Variants in PDZRN4 observed in about 807,000 individuals in gnomAD.
PDZRN4 encodes PDZ domain-containing RING finger protein 4.
A neutral mutation model predicts 99.0 loss-of-function variants in PDZRN4; 70 were observed. The observed-to-expected ratio is 0.71, with a 90% confidence interval of 0.58 to 0.86. The LOEUF (loss-of-function observed/expected upper bound fraction) is 0.86. PDZRN4 is among the 40% of genes least tolerant of loss of function. The probability of loss-of-function intolerance (pLI) is 0.00; values close to 1 mark genes in which losing one functional copy is unlikely to be tolerated. For missense variants in PDZRN4, 1,474 were observed against 1,331.2 expected, an observed-to-expected ratio of 1.11 and a Z score of -1.67; for synonymous variants, 551 against 501.6, an observed-to-expected ratio of 1.10 and a Z score of -1.32.
intron 3 of PDZRN4, among the ~76,000 whole-genome samples, chr12:41,475,607 A>C (rs1401828917): frequency 6.6e-6 from 1 of 152,210 alleles, no homozygotes; most frequent in East Asian, 1.9e-4. Flanking sequence ...CTTGATTATA[A>C]ATAGCAAAGT....
intron 3 of PDZRN4, among the ~76,000 whole-genome samples, chr12:41,339,826 T>C (rs762218519): frequency 1.3e-5 from 2 of 151,956 alleles, no homozygotes; most frequent in Non-Finnish European, 2.9e-5. Context: ...GAAAAGAAGA[T>C]CAACATCATG....
intron 5 of PDZRN4, among the ~76,000 whole-genome samples, chr12:41,536,655 G>A (rs1480511863): frequency 6.6e-6 from 1 of 150,830 alleles, no homozygotes; most frequent in Non-Finnish European, 1.5e-5. Context: ...GTTGATAATA[G>A]AAAAGGCTAT....
At chr12:41,352,414 G>A (rs1178299152) in intron 3 of PDZRN4, among the ~76,000 whole-genome samples, 1 of 152,066 alleles carries the variant, frequency 6.6e-6, no homozygotes, top group Non-Finnish European at 1.5e-5. Flanking sequence ...TTGGGTGACT[G>A]GCAGTTCCTG....
chr12:41,498,229 G>A (rs1422241300), intron 3 of PDZRN4, among the ~76,000 whole-genome samples: 1 of 151,830 alleles, frequency 6.6e-6, no homozygotes, highest in East Asian at 1.9e-4. Context: ...GGCTGAAAAG[G>A]ACACACCACC....
At chr12:41,423,739 A>C (rs138321566) in intron 3 of PDZRN4, among the ~76,000 whole-genome samples, 244 of 152,302 alleles carry the variant, frequency 1.6e-3, no homozygotes, top group African/African-American at 5.5e-3. Context: ...TGAATTTGCC[A>C]TTATGATTTT....
chr12:41,507,487 G>A (rs1038318649), intron 4 of PDZRN4, among the ~76,000 whole-genome samples: 28 of 152,106 alleles, frequency 1.8e-4, no homozygotes, highest in Admixed American at 7.2e-4. Context: ...ACTCCAATCC[G>A]CTCTCTACTT....
chr12:41,441,924 C>T (rs1952683730), intron 3 of PDZRN4, among the ~76,000 whole-genome samples: 1 of 152,100 alleles, frequency 6.6e-6, no homozygotes, highest in Non-Finnish European at 1.5e-5. Context: ...CAATTCCTGC[C>T]TTCCCACAGT....
At chr12:41,237,984 G>T (rs1276678609) in intron 3 of PDZRN4, among the ~76,000 whole-genome samples, 1 of 151,790 alleles carries the variant, frequency 6.6e-6, no homozygotes, top group Non-Finnish European at 1.5e-5. Flanking sequence ...TTTTAAAATA[G>T]TTTTTTTTCT....
chr12:41,369,519 A>G (rs1952025374), intron 3 of PDZRN4, among the ~76,000 whole-genome samples: 1 of 151,900 alleles, frequency 6.6e-6, no homozygotes, highest in Admixed American at 6.6e-5. Flanking sequence ...TCATTTCATT[A>G]ATATTTTGTC....
intron 3 of PDZRN4, among the ~76,000 whole-genome samples, chr12:41,494,293 G>C (rs2120638585): frequency 6.6e-6 from 1 of 152,166 alleles, no homozygotes; most frequent in East Asian, 1.9e-4. Flanking sequence ...TGAATGTATA[G>C]AAAAATCCTG....
intron 5 of PDZRN4, among the ~76,000 whole-genome samples, chr12:41,549,741 T>C (rs1276245521): frequency 6.6e-6 from 1 of 152,204 alleles, no homozygotes; most frequent in African/African-American, 2.4e-5. Flanking sequence ...GATATTTATG[T>C]ATCAATTATT....
At chr12:41,290,787 G>A (rs969641858) in intron 3 of PDZRN4, among the ~76,000 whole-genome samples, 5 of 151,784 alleles carry the variant, frequency 3.3e-5, no homozygotes, top group Non-Finnish European at 7.4e-5. Context: ...GGTCTAATGA[G>A]GTATTTATTA....
At chr12:41,297,094 T>C (rs923122964) in intron 3 of PDZRN4, among the ~76,000 whole-genome samples, 1 of 152,180 alleles carries the variant, frequency 6.6e-6, no homozygotes, top group African/African-American at 2.4e-5. Flanking sequence ...GCTGGTAACA[T>C]CACTTATAAA....
At chr12:41,225,921 C>T (rs562991274) in intron 3 of PDZRN4, among the ~76,000 whole-genome samples, 1 of 152,154 alleles carries the variant, frequency 6.6e-6, no homozygotes, top group South Asian at 2.1e-4. Context: ...GTAGGTAACC[C>T]TTGTCAACAG....
At chr12:41,193,663 A>T (rs941873231) in intron 2 of PDZRN4, among the ~76,000 whole-genome samples, 2 of 152,234 alleles carry the variant, frequency 1.3e-5, no homozygotes, top group African/African-American at 4.8e-5. Context: ...TACATTTCTA[A>T]ACTCTACCAC....
chr12:41,486,709 A>C (rs1937781089), intron 3 of PDZRN4, among the ~76,000 whole-genome samples: 1 of 152,034 alleles, frequency 6.6e-6, no homozygotes, highest in Admixed American at 6.6e-5. Context: ...AAGGGGGGAG[A>C]GCTTTCTCGG....
At chr12:41,547,095 C>T (rs945529161) in intron 5 of PDZRN4, among the ~76,000 whole-genome samples, 1 of 152,134 alleles carries the variant, frequency 6.6e-6, no homozygotes, top group Admixed American at 6.5e-5. Context: ...CAAAGGTAAA[C>T]CACATGACAC....
intron 3 of PDZRN4, among the ~76,000 whole-genome samples, chr12:41,350,605 T>A (rs1282118536): frequency 6.6e-6 from 1 of 152,096 alleles, no homozygotes; most frequent in Non-Finnish European, 1.5e-5. Flanking sequence ...CTAGTTTAAG[T>A]TGAATATGAG....
intron 3 of PDZRN4, among the ~76,000 whole-genome samples, chr12:41,225,161 T>C (rs1002866593): frequency 1.3e-5 from 2 of 152,150 alleles, no homozygotes; most frequent in African/African-American, 4.8e-5. Context: ...TAGTACATTA[T>C]GAATTAATTA....
Sources: allele counts gnomAD v4.1 joint callset (sites outside exome capture counted in the v4.1 genomes callset), GRCh38; gene constraint gnomAD v4.1.1; transcripts MANE v1.5; gene names NCBI Gene and HGNC (gene_info 2026-07-23, HGNC 2026-07-21).